Variants in RTL4 observed in about 807,000 individuals in gnomAD.
RTL4 encodes the protein retrotransposon Gag-like protein 4.
A neutral mutation model predicts 5.3 loss-of-function variants in RTL4; 4 were observed. The ratio of observed to expected loss-of-function variants is 0.75; its 90% CI spans 0.37 to 1.72. The LOEUF (loss-of-function observed/expected upper bound fraction) is 1.72, where lower values mean the gene tolerates loss of function less well. Among genes scored for constraint, RTL4 ranks in the 40% most tolerant of loss-of-function variants. The pLI is 0.04. For missense variants in RTL4, 260 were observed against 227.1 expected, an observed-to-expected ratio of 1.14 and a Z score of -0.93; for synonymous variants, 98 against 87.3, an observed-to-expected ratio of 1.12 and a Z score of -0.68.
the RTL4 span, among the ~76,000 whole-genome samples, chrX:112,178,003 G>A: frequency 9.2e-6 from 1 of 108,569 alleles, no homozygotes; most frequent in African/African-American, 3.4e-5. Context: ...AGTTTGGCCT[G>A]TAAGGCTGCA....
the RTL4 span, among the ~76,000 whole-genome samples, chrX:112,241,659 G>T: frequency 8.9e-6 from 1 of 112,034 alleles, no homozygotes; most frequent in Non-Finnish European, 1.9e-5. Flanking sequence ...TGTTCACTCT[G>T]TTGGTAATCT....
the RTL4 span, among the ~76,000 whole-genome samples, chrX:112,153,629 C>G: frequency 3.6e-5 from 4 of 111,785 alleles, no homozygotes; most frequent in Non-Finnish European, 7.5e-5. Flanking sequence ...ATTTCCCATA[C>G]AAGTATTCAT....
chrX:112,443,763 T>C, the RTL4 span, among the ~76,000 whole-genome samples: 6 of 112,283 alleles, frequency 5.3e-5, no homozygotes, highest in Non-Finnish European at 1.1e-4. Context: ...TCGAATCTTT[T>C]GCCTATTTTT....
At chrX:112,421,941 A>G in the RTL4 span, among the ~76,000 whole-genome samples, 1 of 112,330 alleles carries the variant, frequency 8.9e-6, no homozygotes, top group Non-Finnish European at 1.9e-5. Context: ...GAATTGAGGG[A>G]AATATGTAAA....
the RTL4 span, among the ~76,000 whole-genome samples, chrX:112,135,670 T>C: frequency 8.4e-3 from 934 of 110,591 alleles, 9 homozygotes; most frequent in African/African-American, 0.03. Context: ...CTGTGATTCA[T>C]TTTGAGTTAG....
the RTL4 span, among the ~76,000 whole-genome samples, chrX:112,207,878 C>T: frequency 9.1e-6 from 1 of 110,458 alleles, no homozygotes; most frequent in Admixed American, 9.7e-5. Context: ...CTCTACTGCA[C>T]ACAACACTGG....
chrX:112,387,577 T>C, the RTL4 span, among the ~76,000 whole-genome samples: 1 of 111,320 alleles, frequency 9.0e-6, no homozygotes, highest in Non-Finnish European at 1.9e-5. Context: ...GATCAGCCAG[T>C]GGGACAAAAG....
chrX:112,382,059 TAGAAAAC>T, the RTL4 span: 1 of 1,208,650 alleles, frequency 8.3e-7, no homozygotes, highest in African/African-American at 1.8e-5. Context: ...CAAAGCCACT[TAGAAAAC>T]AGGAAGCAGC....
chrX:112,320,157 G>A, the RTL4 span: 1 of 111,588 alleles, frequency 9.0e-6, no homozygotes, highest in African/African-American at 3.3e-5. Context: ...TAGGAGATCC[G>A]GGTCGTATTA....
chrX:112,209,670 T>C, the RTL4 span, among the ~76,000 whole-genome samples: 1 of 111,398 alleles, frequency 9.0e-6, no homozygotes, highest in African/African-American at 3.3e-5. Context: ...CAGGACCTAC[T>C]CAAGGCCGAT....
chrX:112,399,366 G>A, the RTL4 span, among the ~76,000 whole-genome samples: 3 of 111,176 alleles, frequency 2.7e-5, no homozygotes, highest in African/African-American at 6.5e-5. Context: ...ATTTTGGTGT[G>A]TGTTTGCTCT....
upstream of RTL4, among the ~76,000 whole-genome samples, chrX:112,451,037 G>A (rs1374118730): frequency 1.8e-5 from 2 of 111,604 alleles, no homozygotes; most frequent in Non-Finnish European, 3.8e-5. Flanking sequence ...CTACAGGAAT[G>A]TTAATGGCTT....
chrX:112,221,403 G>A, the RTL4 span, among the ~76,000 whole-genome samples: 1 of 111,267 alleles, frequency 9.0e-6, no homozygotes, highest in African/African-American at 3.3e-5. Flanking sequence ...GAACAGTTCA[G>A]GGAGGTATTT....
chrX:112,349,886 A>G, the RTL4 span, among the ~76,000 whole-genome samples: 2 of 109,623 alleles, frequency 1.8e-5, no homozygotes, highest in African/African-American at 6.6e-5. Context: ...CCTGGCCAGA[A>G]CTTCCAACAC....
chrX:112,266,257 T>C, the RTL4 span, among the ~76,000 whole-genome samples: 1 of 111,471 alleles, frequency 9.0e-6, no homozygotes, highest in Non-Finnish European at 1.9e-5. Flanking sequence ...TCCAATACTT[T>C]GCATGGGTGG....
the RTL4 span, among the ~76,000 whole-genome samples, chrX:112,291,742 G>A: frequency 1.8e-5 from 2 of 110,345 alleles, no homozygotes; most frequent in East Asian, 2.9e-4. Context: ...GACTATAGGC[G>A]CCCGCCACCA....
At chrX:112,427,960 A>G in the RTL4 span, among the ~76,000 whole-genome samples, 1 of 107,891 alleles carries the variant, frequency 9.3e-6, no homozygotes, top group Non-Finnish European at 1.9e-5. Flanking sequence ...AGTCCATTAT[A>G]TTATTCTCAC....
At chrX:112,378,488 A>G in the RTL4 span, among the ~76,000 whole-genome samples, 34,927 of 110,545 alleles carry the variant, frequency 0.32, 5,526 homozygotes, top group African/African-American at 0.61. Context: ...TAACAGAAAG[A>G]TCAAGGACAA....
At chrX:112,217,606 G>C in the RTL4 span, among the ~76,000 whole-genome samples, 587 of 111,699 alleles carry the variant, frequency 5.3e-3, 3 homozygotes, top group African/African-American at 0.018. Flanking sequence ...TGAGATTGTC[G>C]TGAGTAGTAA....
Sources: allele counts gnomAD v4.1 joint callset (sites outside exome capture counted in the v4.1 genomes callset), GRCh38; gene constraint gnomAD v4.1.1; transcripts MANE v1.5; gene names NCBI Gene and HGNC (gene_info 2026-07-23, HGNC 2026-07-21).